Variants in WWOX observed in about 807,000 individuals in gnomAD.
WWOX encodes the protein WW domain containing oxidoreductase.
Under a neutral mutation model 46.2 loss-of-function variants are expected in WWOX, and 69 were observed. That is an observed-to-expected ratio of 1.49 (90% CI 1.23 to 1.82). The LOEUF is 1.82. Among genes scored for constraint, WWOX ranks in the 40% most tolerant of loss-of-function variants. The pLI is 0.00. For synonymous variants in WWOX, 359 were observed against 202.6 expected, an observed-to-expected ratio of 1.77 and a Z score of -6.56; for missense variants, 919 against 542.6, an observed-to-expected ratio of 1.69 and a Z score of -6.89.
At chr16:78,755,004 C>G (rs984635046) in intron 8 of WWOX, among the ~76,000 whole-genome samples, 2 of 127,594 alleles carry the variant, frequency 1.6e-5, no homozygotes, top group Non-Finnish European at 3.1e-5. Context: ...AATGAGAACA[C>G]GTGGACAACG....
intron 8 of WWOX, among the ~76,000 whole-genome samples, chr16:78,835,049 G>T (rs1336561869): frequency 6.6e-6 from 1 of 152,044 alleles, no homozygotes; most frequent in Non-Finnish European, 1.5e-5. Flanking sequence ...GGGTTTGGAG[G>T]GCGTTAGTGT....
intron 8 of WWOX, among the ~76,000 whole-genome samples, chr16:78,923,356 T>C (rs2045423668): frequency 6.6e-6 from 1 of 152,192 alleles, no homozygotes. Context: ...ATTATCAACA[T>C]CATTATTTCT....
At chr16:78,710,242 C>A (rs1308848529) in intron 8 of WWOX, among the ~76,000 whole-genome samples, 1 of 151,504 alleles carries the variant, frequency 6.6e-6, no homozygotes, top group Non-Finnish European at 1.5e-5. Flanking sequence ...GGACTGGTTT[C>A]CTGAATGGCA....
intron 6 of WWOX, among the ~76,000 whole-genome samples, chr16:78,399,289 C>T (rs941417737): frequency 6.6e-6 from 1 of 152,210 alleles, no homozygotes; most frequent in Non-Finnish European, 1.5e-5. Context: ...GTTGATACCT[C>T]CTTGGGTGGC....
At chr16:78,211,401 C>T (rs1176151622) in intron 5 of WWOX, among the ~76,000 whole-genome samples, 1 of 152,122 alleles carries the variant, frequency 6.6e-6, no homozygotes, top group African/African-American at 2.4e-5. Flanking sequence ...GTGCTGAGCA[C>T]TGATCTTGTC....
intron 5 of WWOX, among the ~76,000 whole-genome samples, chr16:78,369,394 C>G (rs747367998): frequency 6.6e-6 from 1 of 152,110 alleles, no homozygotes; most frequent in African/African-American, 2.4e-5. Flanking sequence ...GCTTTCTTGA[C>G]TAAGTTAGTG....
At chr16:78,271,351 T>C (rs1022407458) in intron 5 of WWOX, among the ~76,000 whole-genome samples, 28 of 152,216 alleles carry the variant, frequency 1.8e-4, no homozygotes, top group African/African-American at 6.5e-4. Context: ...CTTGCTTCCG[T>C]CACCTCGTGC....
chr16:79,034,840 G>C (rs2550694), intron 8 of WWOX, among the ~76,000 whole-genome samples: 27,897 of 152,058 alleles, frequency 0.18, 3,028 homozygotes, highest in African/African-American at 0.31. Context: ...CCCGAGTAGT[G>C]TATTAGGCTA....
chr16:78,964,957 G>A (rs1439213408), intron 8 of WWOX, among the ~76,000 whole-genome samples: 3 of 152,204 alleles, frequency 2.0e-5, no homozygotes, highest in East Asian at 1.9e-4. Context: ...GTGTGTGGGG[G>A]CACAGAAGTC....
At position 78,611,933 on chromosome 16, in the gene WWOX, C is replaced by G. The variant is rs1296293900; in HGVS notation, c.1056+179181C>G. Among the ~76,000 whole-genome samples the G allele has an allele frequency of 2.6e-5, 4 of 152,172 alleles. No homozygotes were observed. The South Asian group carries it at 6.2e-4, about 24-fold the overall frequency. On this transcript the variant is annotated intron_variant, in intron 8 of 8. Coordinates refer to ENST00000566780, the MANE Select transcript of WWOX (RefSeq NM_016373.4). ...TGTATACAAGCCAGAAGCCAATGAGCTATAGGAAGGGTAGCAAAGAACAGA... is the reference window on the plus strand; with the variant it reads ...TGTATACAAGCCAGAAGCCAATGAGGTATAGGAAGGGTAGCAAAGAACAGA...
intron 8 of WWOX, among the ~76,000 whole-genome samples, chr16:78,566,151 G>T (rs936833734): frequency 2.6e-5 from 4 of 151,982 alleles, no homozygotes; most frequent in African/African-American, 9.7e-5. Flanking sequence ...AAGGGGTCTG[G>T]AACCTTTCTC....
At chr16:79,098,854 T>C (rs748527045) in intron 8 of WWOX, among the ~76,000 whole-genome samples, 3 of 152,242 alleles carry the variant, frequency 2.0e-5, no homozygotes, top group Non-Finnish European at 4.4e-5. Flanking sequence ...GTATATCTTT[T>C]AAAATTTCTA....
chr16:78,903,814 A>C (rs1408745695), intron 8 of WWOX, among the ~76,000 whole-genome samples: 2 of 152,212 alleles, frequency 1.3e-5, no homozygotes, highest in African/African-American at 2.4e-5. Flanking sequence ...AGTCCAGTCC[A>C]TTTATAACAT....
At chr16:78,854,828 C>G (rs1193532520) in intron 8 of WWOX, among the ~76,000 whole-genome samples, 1 of 152,110 alleles carries the variant, frequency 6.6e-6, no homozygotes, top group African/African-American at 2.4e-5. Context: ...GTGATCTGCC[C>G]TCCTCGGCCT....
At chr16:78,556,437 G>A (rs1350206951) in intron 8 of WWOX, among the ~76,000 whole-genome samples, 1 of 152,130 alleles carries the variant, frequency 6.6e-6, no homozygotes. Context: ...GGAACGGTCA[G>A]GGAATTTGTA....
chr16:79,201,491 CAG>C (rs1269038667), intron 8 of WWOX, among the ~76,000 whole-genome samples: 1 of 152,084 alleles, frequency 6.6e-6, no homozygotes, highest in Non-Finnish European at 1.5e-5. Context: ...TCAAGGGCTC[CAG>C]AGAGTCCCTT....
Position 78,712,434 on chromosome 16 carries a change from G to A in WWOX, c.1056+279682G>A, listed in dbSNP as rs372668909. On this transcript the variant is annotated intron_variant, in intron 8 of 8. Transcript: ENST00000566780. ...GGAGAATCGCTTGAACCCAGGAGGCGGAGGTTGCAGTCAGCCGAGATTATA... is the reference window on the plus strand; with the variant it reads ...GGAGAATCGCTTGAACCCAGGAGGCAGAGGTTGCAGTCAGCCGAGATTATA... 1.5e-4 allele frequency among the ~76,000 whole-genome samples: 23 copies of A among 151,912 alleles called. No individual in the cohort carries two copies. In the East Asian group the frequency reaches 2.7e-3, roughly 18 times the overall value.
intron 8 of WWOX, among the ~76,000 whole-genome samples, chr16:79,010,013 G>A (rs1189478713): frequency 1.3e-5 from 2 of 152,184 alleles, no homozygotes; most frequent in Non-Finnish European, 2.9e-5. Context: ...GCGAAAGGAA[G>A]AATAATGGGT....
chr16:78,673,723 A>G (rs146491398), intron 8 of WWOX, among the ~76,000 whole-genome samples: 1 of 152,348 alleles, frequency 6.6e-6, no homozygotes, highest in African/African-American at 2.4e-5. Flanking sequence ...CATTTTATGT[A>G]AATCAGTTAT....
Sources: allele counts gnomAD v4.1 joint callset (sites outside exome capture counted in the v4.1 genomes callset), GRCh38; gene constraint gnomAD v4.1.1; transcripts MANE v1.5; gene names NCBI Gene and HGNC (gene_info 2026-07-23, HGNC 2026-07-21).